Variants in CDH13 observed in about 807,000 individuals in gnomAD.
The protein encoded by CDH13 is cadherin-13.
Under a neutral mutation model 63.8 loss-of-function variants are expected in CDH13, and 24 were observed. That is an observed-to-expected ratio of 0.38 (90% CI 0.27 to 0.53). The LOEUF (loss-of-function observed/expected upper bound fraction) is 0.53, where lower values mean the gene tolerates loss of function less well. Ranked by LOEUF, CDH13 falls within the 20% of genes least tolerant of loss-of-function variation. The pLI is 0.85. For synonymous variants in CDH13, 503 were observed against 355.3 expected, an observed-to-expected ratio of 1.42 and a Z score of -4.67; for missense variants, 1,049 against 903.1, an observed-to-expected ratio of 1.16 and a Z score of -2.07.
intron 1 of CDH13, among the ~76,000 whole-genome samples, chr16:82,685,523 A>G (rs1305363337): frequency 6.6e-6 from 1 of 152,230 alleles, no homozygotes; most frequent in African/African-American, 2.4e-5. Context: ...AGATAATGAG[A>G]TCAGGTGTAG....
intron 1 of CDH13, among the ~76,000 whole-genome samples, chr16:82,749,995 C>T (rs2034342876): frequency 6.6e-6 from 1 of 152,060 alleles, no homozygotes; most frequent in Non-Finnish European, 1.5e-5. Flanking sequence ...GAGGGTATTC[C>T]TGGGTGGGGC....
intron 5 of CDH13, among the ~76,000 whole-genome samples, chr16:83,240,446 C>T (rs1055344237): frequency 2.0e-5 from 3 of 152,000 alleles, no homozygotes; most frequent in Non-Finnish European, 4.4e-5. Flanking sequence ...AGGAGCCAAG[C>T]TGGAGGTTAC....
At chr16:82,727,658 T>G (rs1567471765) in intron 1 of CDH13, 1 of 152,178 alleles carries the variant, frequency 6.6e-6, no homozygotes, top group African/African-American at 2.4e-5. Flanking sequence ...CTGGAGAAAG[T>G]GTCAGAGTAG....
intron 5 of CDH13, among the ~76,000 whole-genome samples, chr16:83,334,359 T>TCACACA (rs755860994): frequency 1.1e-5 from 1 of 88,518 alleles, no homozygotes; most frequent in African/African-American, 5.1e-5. Context: ...TCTCTCTCTC[T>TCACACA]CTCACACACA....
intron 10 of CDH13, among the ~76,000 whole-genome samples, chr16:83,682,678 G>A (rs970630797): frequency 1.3e-5 from 2 of 152,016 alleles, no homozygotes; most frequent in Admixed American, 1.3e-4. Flanking sequence ...CTCTTTGCCT[G>A]TCTGTCTCTC....
At chr16:83,013,801 C>T (rs780041333) in intron 2 of CDH13, among the ~76,000 whole-genome samples, 29 of 152,092 alleles carry the variant, frequency 1.9e-4, no homozygotes, top group Admixed American at 1.2e-3. Flanking sequence ...TGGGATGGCC[C>T]GGTCTCTGCA....
intron 6 of CDH13, among the ~76,000 whole-genome samples, chr16:83,445,044 G>C (rs997602116): frequency 2.0e-5 from 3 of 152,086 alleles, no homozygotes; most frequent in Non-Finnish European, 4.4e-5. Context: ...AGTTAATTAA[G>C]ACTTTGCCTT....
chr16:83,218,238 G>T (rs1227826986), intron 5 of CDH13, among the ~76,000 whole-genome samples: 1 of 152,180 alleles, frequency 6.6e-6, no homozygotes, highest in Non-Finnish European at 1.5e-5. Flanking sequence ...GGCATAAAGT[G>T]CTGGACAGAC....
intron 7 of CDH13, among the ~76,000 whole-genome samples, chr16:83,529,396 G>A (rs1035712912): frequency 1.3e-5 from 2 of 152,154 alleles, no homozygotes; most frequent in African/African-American, 4.8e-5. Flanking sequence ...GATGTTTGTT[G>A]AAGCATTGTT....
chr16:83,786,686 C>T (rs1764822825), intron 13 of CDH13, among the ~76,000 whole-genome samples: 1 of 152,078 alleles, frequency 6.6e-6, no homozygotes, highest in African/African-American at 2.4e-5. Flanking sequence ...CTCCCGGGTT[C>T]AAGTGATTCT....
chr16:83,469,549 C>G (rs2073403127), intron 6 of CDH13, among the ~76,000 whole-genome samples: 1 of 152,164 alleles, frequency 6.6e-6, no homozygotes, highest in East Asian at 1.9e-4. Context: ...TTCCTGATAC[C>G]AGATGCTTTC....
At chr16:83,710,213 C>T (rs1318030220) in intron 10 of CDH13, 1 of 152,200 alleles carries the variant, frequency 6.6e-6, no homozygotes, top group East Asian at 1.9e-4. Flanking sequence ...GCCGCTTCTC[C>T]ACTCTCCCCA....
chr16:83,661,565 AGTG>A (rs1465906836), intron 8 of CDH13, among the ~76,000 whole-genome samples: 1 of 151,928 alleles, frequency 6.6e-6, no homozygotes, highest in East Asian at 1.9e-4. Flanking sequence ...GTCAGTCTTC[AGTG>A]GCCATGTCTT....
At chr16:82,997,904 C>G (rs72792164) in intron 2 of CDH13, among the ~76,000 whole-genome samples, 15,903 of 152,206 alleles carry the variant, frequency 0.1, 915 homozygotes, top group African/African-American at 0.16. Flanking sequence ...GAATCTGATA[C>G]TAGTAGAACT....
At chr16:83,728,968 C>T (rs565600944) in intron 10 of CDH13, 1 of 153,062 alleles carries the variant, frequency 6.5e-6, no homozygotes, top group East Asian at 1.9e-4. Flanking sequence ...TTGCTGTGTC[C>T]TCATGTAGCC....
At chr16:82,652,811 G>A (rs954885084) in intron 1 of CDH13, among the ~76,000 whole-genome samples, 3 of 151,848 alleles carry the variant, frequency 2.0e-5, no homozygotes, top group Admixed American at 6.6e-5. Flanking sequence ...GTTCTGATGG[G>A]AATCCCAGAA....
At chr16:83,522,843 C>T (rs2074872387) in intron 7 of CDH13, among the ~76,000 whole-genome samples, 1 of 152,110 alleles carries the variant, frequency 6.6e-6, no homozygotes, top group African/African-American at 2.4e-5. Context: ...CCCCTCCACC[C>T]CAAGGACTTA....
chr16:83,394,556 C>T (rs1300730096), intron 6 of CDH13, among the ~76,000 whole-genome samples: 5 of 152,100 alleles, frequency 3.3e-5, no homozygotes, highest in Non-Finnish European at 7.3e-5. Context: ...TCCAACTGTG[C>T]AGGCGTAGTA....
rs1465968323 is a variant in CDH13 at position 82,760,630 on chromosome 16, C to T, written c.46-97732C>T. On this transcript the variant is annotated intron_variant, in intron 1 of 13. Transcript: ENST00000567109. ...TTATTTCTATATGACTCTGATAGCA[C>T]CTGTATTTGTCCCTTTTGTGTTGCT... 2.0e-5 allele frequency among the ~76,000 whole-genome samples: 3 copies of T among 152,124 alleles called. 1 individual carries two copies. Among genetic ancestry groups the T allele is most frequent in the South Asian group, 4.1e-4 (2 of 4,834 alleles).
Sources: gnomAD v4.1 joint callset for allele counts (sites outside exome capture counted in the v4.1 genomes callset) on GRCh38, gnomAD v4.1.1 for gene constraint, MANE v1.5 for transcripts, NCBI Gene and HGNC (gene_info 2026-07-23, HGNC 2026-07-21) for gene names.